ANK2: variants seen among roughly 807,000 people sequenced by gnomAD.
ANK2 encodes ankyrin-2.
In ANK2, 83 loss-of-function variants were observed where a neutral mutation model predicts 360.5. The ratio of observed to expected loss-of-function variants is 0.23; its 90% CI spans 0.19 to 0.28. The LOEUF (loss-of-function observed/expected upper bound fraction) is 0.28, where lower values mean the gene tolerates loss of function less well. Ranked by LOEUF, ANK2 falls within the 10% of genes least tolerant of loss-of-function variation. The pLI is 1.00. For missense variants in ANK2, 4,201 were observed against 4,795.7 expected (o/e 0.88, Z 3.66); for synonymous variants, 1,740 against 1,759.5 (o/e 0.99, Z 0.28).
rs34667216 is a variant in ANK2, at chr4:113,149,874, C to CAAAAAAAAAAAAAAAAAAAAAAAAA, written c.85-24540_85-24516dup. Among the ~76,000 whole-genome samples, 21 of 31,402 alleles carry CAAAAAAAAAAAAAAAAAAAAAAAAA rather than the reference C, an allele frequency of 6.7e-4. No individual in the cohort carries two copies. In the East Asian group the frequency reaches 0.01, roughly 15 times the overall value. The allele number at this position is 31,402 out of a possible 152,430, so 20.6% of individuals were successfully genotyped here. A position where few individuals can be genotyped will look rare whatever the true frequency, so the allele number is the denominator to read the frequency against. The stretch of plus-strand genomic sequence containing the variant: ...CTTGCGTGAGAGTGAGACCCTGCCT[C>CAAAAAAAAAAAAAAAAAAAAAAAAA]AAAAAAAAAAAAAAAAAAAAAAAAA... On this transcript the variant is annotated intron_variant, in intron 1 of 45. Transcript: ENST00000357077.
At chr4:113,277,217 T>C (rs2060552011) in intron 15 of ANK2, among the ~76,000 whole-genome samples, 1 of 152,182 alleles carries the variant, frequency 6.6e-6, no homozygotes, top group Non-Finnish European at 1.5e-5. Context: ...TAGAACGTAT[T>C]TTACAAAAGC....
chr4:113,006,570 T>TA (rs1030441795), intron 2 of ANK2, among the ~76,000 whole-genome samples: 9 of 152,176 alleles, frequency 5.9e-5, no homozygotes, highest in African/African-American at 2.2e-4. Flanking sequence ...AGACTGTTGA[T>TA]AAGAGTATAA....
chr4:113,380,468 T>C lies in ANK2; in HGVS notation c.11860-989T>C, dbSNP rs573386024. ...CTGAGCTCAGGAGTTCGAGACCAGC[T>C]TGGCCAACATGACAAAACCCTGTCT... is the stretch of plus-strand genomic sequence containing the variant. On this transcript the variant is annotated intron_variant, in intron 45 of 45. Coordinates refer to ENST00000357077, the MANE Select transcript of ANK2 (RefSeq NM_001148.6). 1.3e-4 allele frequency among the ~76,000 whole-genome samples: 20 copies of C among 152,236 alleles called. No homozygotes were observed. In the South Asian group the frequency reaches 3.7e-3, roughly 28 times the overall value.
chr4:113,361,953 C>G (rs73841991), intron 39 of ANK2, among the ~76,000 whole-genome samples: 68 of 152,224 alleles, frequency 4.5e-4, no homozygotes, highest in African/African-American at 1.5e-3. Flanking sequence ...ATATGACTCT[C>G]ACACCTACTT....
At chr4:113,106,043 A>G (rs926514474) in intron 1 of ANK2, among the ~76,000 whole-genome samples, 1 of 152,184 alleles carries the variant, frequency 6.6e-6, no homozygotes, top group Non-Finnish European at 1.5e-5. Context: ...AAAATTATAT[A>G]GTATTTAAAT....
the ANK2 span, among the ~76,000 whole-genome samples, chr4:112,810,182 T>TTTTTTTTTG: frequency 1.8e-5 from 2 of 111,778 alleles, no homozygotes; most frequent in African/African-American, 6.7e-5. Flanking sequence ...TTTTTTTTTT[T>TTTTTTTTTG]GTAGCAATGG....
At chr4:112,799,195 T>C in the ANK2 span, among the ~76,000 whole-genome samples, 1 of 152,224 alleles carries the variant, frequency 6.6e-6, no homozygotes, top group Non-Finnish European at 1.5e-5. Context: ...GTATGTACCA[T>C]ATTTTGTTTT....
intron 2 of ANK2, 45 bp from the exon 3 acceptor site, chr4:113,196,323 C>T (rs762768811): frequency 6.9e-7 from 1 of 1,449,566 alleles, no homozygotes; most frequent in African/African-American, 1.4e-5. Flanking sequence ...GCACTATTTT[C>T]CTCATTACTT....
rs115884960 is a variant in ANK2 at position 112,880,166 on chromosome 4, A to G, written c.-39-24289A>G. The G allele has an allele frequency of 5.3e-3, 811 of 152,338 alleles. 10 individuals are homozygous for G. The highest frequency in any genetic ancestry group is 0.018 in the African/African-American group (766 of 41,580). 9.4% of individuals were successfully genotyped at this position (152,338 alleles called of 1,614,324 possible). A position where few individuals can be genotyped will look rare whatever the true frequency, so the allele number is the denominator to read the frequency against. On this transcript the variant is annotated intron_variant, in intron 1 of 30. Transcript: ENST00000503271. The stretch of plus-strand genomic sequence containing the variant: ...TAACATATGTACTTTGACAAATTTA[A>G]AATGAAATTTGAAACCATCAATATG...
chr4:112,759,958 AAC>A, the ANK2 span, among the ~76,000 whole-genome samples: 1 of 152,272 alleles, frequency 6.6e-6, no homozygotes, highest in African/African-American at 2.4e-5. Context: ...GATCCTTAGA[AAC>A]CACTTAATAT....
In ANK2 at chr4:113,049,772, A is replaced by G; in HGVS notation, c.44A>G (p.Lys15Arg). The G allele has an allele frequency of 6.2e-7, 1 of 1,613,866 alleles. No individual in the cohort carries two copies. The highest frequency in any genetic ancestry group is 8.5e-7 in the Non-Finnish European group (1 of 1,179,828). ...DAAQKSDSGE[K>R]FNGSSQRRKR... The stretch of plus-strand genomic sequence containing the variant: ...GCTCAGAAAAGCGACAGTGGAGAGA[A>G]GTTCAACGGCAGTAGTCAGAGGAGA... The change falls in exon 1 of 46, where the codon AAG (lysine) becomes AGG (arginine). Residue 15 changes from lysine (K) to arginine (R), a missense_variant. By Grantham distance (26) the Lys-to-Arg change is conservative. Coordinates refer to ENST00000357077, the MANE Select transcript of ANK2 (RefSeq NM_001148.6).
intron 45 of ANK2, among the ~76,000 whole-genome samples, chr4:113,379,242 C>T (rs918282458): frequency 5.3e-5 from 8 of 152,112 alleles, no homozygotes; most frequent in South Asian, 2.1e-4. Context: ...ACATAATCCA[C>T]GCATGCACTA....
chr4:113,305,139 G>A (rs62313239), intron 23 of ANK2, among the ~76,000 whole-genome samples: 4,890 of 151,454 alleles, frequency 0.032, 87 homozygotes, highest in Non-Finnish European at 0.036. Flanking sequence ...AGGAGATCGA[G>A]ACCATCCCGG....
At chr4:113,041,229 T>G (rs1269588044) in intron 2 of ANK2, among the ~76,000 whole-genome samples, 2 of 152,282 alleles carry the variant, frequency 1.3e-5, no homozygotes, top group African/African-American at 4.8e-5. Context: ...TGATGGCTTT[T>G]AGGTCTAAAT....
At chr4:113,179,949 C>T (rs1584065743) in intron 2 of ANK2, among the ~76,000 whole-genome samples, 1 of 152,152 alleles carries the variant, frequency 6.6e-6, no homozygotes, top group African/African-American at 2.4e-5. Flanking sequence ...GATATGATAC[C>T]AGTGATTAAC....
intron 2 of ANK2, among the ~76,000 whole-genome samples, chr4:112,911,650 C>A (rs1441645505): frequency 1.3e-5 from 2 of 152,120 alleles, no homozygotes; most frequent in Non-Finnish European, 2.9e-5. Context: ...TAAACAAACT[C>A]TGTTGCTATG....
At chr4:112,955,384 G>A (rs1201732297) in intron 2 of ANK2, among the ~76,000 whole-genome samples, 1 of 152,098 alleles carries the variant, frequency 6.6e-6, no homozygotes, top group Non-Finnish European at 1.5e-5. Context: ...AGTGTTAATA[G>A]TGAAAAGACT....
intron 1 of ANK2, among the ~76,000 whole-genome samples, chr4:113,053,184 T>C (rs1243694049): frequency 2.6e-5 from 4 of 152,192 alleles, no homozygotes; most frequent in Non-Finnish European, 5.9e-5. Flanking sequence ...GAGGCCTAGC[T>C]GATAGTACCA....
At chr4:113,364,448 C>T (rs192881868) in intron 40 of ANK2, among the ~76,000 whole-genome samples, 43 of 152,236 alleles carry the variant, frequency 2.8e-4, no homozygotes, top group Admixed American at 1.3e-3. Context: ...GCGTATGAAC[C>T]GCATTAAATA....
Sources: allele counts gnomAD v4.1 joint callset (sites outside exome capture counted in the v4.1 genomes callset), GRCh38; gene constraint gnomAD v4.1.1; transcripts MANE v1.5; gene names NCBI Gene and HGNC (gene_info 2026-07-23, HGNC 2026-07-21).